The following CHI3L2 variants were observed in gnomAD, a reference collection of about 807,000 sequenced individuals.
The protein encoded by CHI3L2 is chitinase 3 like 2.
In CHI3L2, 47 loss-of-function variants were observed where a neutral mutation model predicts 47.3. The observed-to-expected ratio is 0.99, with a 90% CI of 0.79 to 1.27. CHI3L2 has a LOEUF of 1.27. Ranked by LOEUF, CHI3L2 falls within the 50% of genes most tolerant of loss-of-function variation. The pLI, the probability that CHI3L2 is intolerant of heterozygous loss-of-function variation, is 0.00. For synonymous variants in CHI3L2, 198 were observed against 169.9 expected, an observed-to-expected ratio of 1.17 and a Z score of -1.28; for missense variants, 497 against 462.1, an observed-to-expected ratio of 1.08 and a Z score of -0.69.
rs199696199 is a variant in CHI3L2 at position 111,238,826 on chromosome 1, A to G, written c.812A>G (p.His271Arg). ...GTCATGGGCATCCCCACATATGGGC[A>G]CTCCTTCACACTGGCCTCTGCAGAA... ...KVVMGIPTYG[H>R]SFTLASAETT... The change falls in exon 8 of 11, where the codon CAC (histidine) becomes CGC (arginine). Residue 271 changes from histidine to arginine, a missense_variant. Transcript: ENST00000369748. 5 of 1,613,720 alleles carry G rather than the reference A, an allele frequency of 3.1e-6. No individual in the cohort carries two copies. The African/African-American group carries it at 4.0e-5, about 13-fold the overall frequency.
chr1:111,235,988 G>C lies in CHI3L2; in HGVS notation c.606-36G>C, dbSNP rs200372894. ...CTTACAATTGTTTCTACCACTGCTCGTCACAAAATCTCTCCCATTGCTTTT... is the reference window on the plus strand; with the variant it reads ...CTTACAATTGTTTCTACCACTGCTCCTCACAAAATCTCTCCCATTGCTTTT... On this transcript the variant is annotated intron_variant, in intron 6 of 10. Coordinates refer to ENST00000369748, the MANE Select transcript of CHI3L2 (RefSeq NM_004000.3). 1.7e-5 allele frequency: 28 copies of C among 1,611,282 alleles called. 1 individual carries two copies. The Middle Eastern group carries it at 8.3e-4, about 48-fold the overall frequency.
chr1:111,236,933 C>T (rs78846081), intron 7 of CHI3L2, among the ~76,000 whole-genome samples: 1,884 of 152,258 alleles, frequency 0.012, 11 homozygotes, highest in Non-Finnish European at 0.018. Context: ...CATAAGGGTT[C>T]AAAGTGGGTT....
chr1:111,242,338 G>C lies in CHI3L2; in HGVS notation c.1147G>C (p.Val383Leu), dbSNP rs569147260. The change falls in exon 10 of 11, where the codon GTC becomes CTC. Residue 383 changes from valine to leucine, a missense_variant. Coordinates refer to ENST00000369748, the MANE Select transcript of CHI3L2 (RefSeq NM_004000.3). ...GGGCCCTTACCCTCTTGTCCAAGCAGTCAAGAGAAGCCTTGGCTCCCTGTG... is the reference window on the plus strand; with the variant it reads ...GGGCCCTTACCCTCTTGTCCAAGCACTCAAGAGAAGCCTTGGCTCCCTGTG... Reference protein sequence around the residue: ...NQGPYPLVQAVKRSLGSL With the variant: ...NQGPYPLVQALKRSLGSL 1 of 1,611,908 alleles carries C rather than the reference G, an allele frequency of 6.2e-7. No individual in the cohort carries two copies. The highest frequency in any genetic ancestry group is 1.7e-5 in the Admixed American group (1 of 59,724).
At position 111,234,905 on chromosome 1, in the gene CHI3L2, AG is replaced by A. The variant is rs760468569; in HGVS notation, c.330del. The A allele has an allele frequency of 3.1e-6, 5 of 1,613,532 alleles. No homozygotes were observed. The Admixed American group carries it at 8.3e-5, about 27-fold the overall frequency. On this transcript the variant is annotated splice_acceptor_variant, in intron 4 of 10. Transcript: ENST00000369748. LOFTEE classifies it high-confidence loss of function. ...AAAGACACTCGTATTGCTTCTTTCCAGGTTCCACCCTATGGTGGATTCTTCT... is the reference window on the plus strand; with the variant it reads ...AAAGACACTCGTATTGCTTCTTTCCAGTTCCACCCTATGGTGGATTCTTCT...
chr1:111,232,370 C>CATTT (rs1659747630), intron 4 of CHI3L2, among the ~76,000 whole-genome samples: 2 of 152,118 alleles, frequency 1.3e-5, no homozygotes. Context: ...TTCATTCATT[C>CATTT]ATTCAGTAAA....
At chr1:111,229,190 A>G (rs559675288) in intron 1 of CHI3L2, among the ~76,000 whole-genome samples, 7 of 152,302 alleles carry the variant, frequency 4.6e-5, no homozygotes, top group Admixed American at 3.9e-4. Flanking sequence ...CTGGACTATG[A>G]GCTCCTTGAG....
chr1:111,230,810 AC>A lies in CHI3L2; in HGVS notation c.143del (p.Pro48LeufsTer32). 6.2e-7 allele frequency: 1 copy of A among 1,613,856 alleles called. No homozygotes were observed. The highest frequency in any genetic ancestry group is 8.5e-7 in the Non-Finnish European group (1 of 1,179,984). On this transcript the variant is annotated frameshift_variant, in exon 3 of 11. Coordinates refer to ENST00000369748, the MANE Select transcript of CHI3L2 (RefSeq NM_004000.3). LOFTEE classifies it high-confidence loss of function. The stretch of plus-strand genomic sequence containing the variant: ...GGACCGGCAGGAACCAGGAAAATTC[AC>A]CCCTGAGAATATTGACCCCTTCCTA... ...SQDRQEPGKF[T>X]PENIDPFLCS...
Position 111,238,139 on chromosome 1 carries a change from A to G in CHI3L2, c.736-611A>G, listed in dbSNP as rs149632234. On this transcript the variant is annotated intron_variant, in intron 7 of 10. Coordinates refer to ENST00000369748, the MANE Select transcript of CHI3L2 (RefSeq NM_004000.3). ...GCGTTTCTGGAGTGAACCAATGTAC[A>G]TCTTACATGTACTGACTGATGTCTT... Among the ~76,000 whole-genome samples, 298 of 152,336 alleles carry G rather than the reference A, an allele frequency of 2.0e-3. 2 individuals carry two copies. Among genetic ancestry groups the G allele is most frequent in the Non-Finnish European group, 3.3e-3 (227 of 68,026 alleles).
At chr1:111,237,188 A>G (rs532402807) in intron 7 of CHI3L2, among the ~76,000 whole-genome samples, 1 of 152,338 alleles carries the variant, frequency 6.6e-6, no homozygotes, top group Admixed American at 6.5e-5. Flanking sequence ...TGTTAGTTCT[A>G]CAAAAGCAGA....
At chr1:111,231,133 C>T (rs1460832606) in intron 3 of CHI3L2, 105 bp from the exon 4 acceptor site, 4 of 1,083,300 alleles carry the variant, frequency 3.7e-6, no homozygotes, top group Non-Finnish European at 5.6e-6. Context: ...TTCAAACAGC[C>T]AGGCCCTAAT....
At chr1:111,241,926 C>T (rs1193900341) in intron 9 of CHI3L2, among the ~76,000 whole-genome samples, 1 of 152,140 alleles carries the variant, frequency 6.6e-6, no homozygotes, top group African/African-American at 2.4e-5. Flanking sequence ...AATTGACAAT[C>T]CTGGCCACTT....
At chr1:111,235,136 A>G in intron 5 of CHI3L2, 79 bp downstream of exon 5, 2 of 1,433,490 alleles carry the variant, frequency 1.4e-6, no homozygotes, top group Non-Finnish European at 1.9e-6. Context: ...ATCCATGGCC[A>G]CATTGGGAGA....
At chr1:111,240,418 G>A (rs1040699071) in intron 8 of CHI3L2, among the ~76,000 whole-genome samples, 1 of 152,160 alleles carries the variant, frequency 6.6e-6, no homozygotes, top group African/African-American at 2.4e-5. Context: ...CCATCCTTGG[G>A]TAGTTCTAGG....
chr1:111,241,836 T>C (rs1390083704), intron 9 of CHI3L2, among the ~76,000 whole-genome samples: 6 of 152,234 alleles, frequency 3.9e-5, no homozygotes, highest in African/African-American at 1.2e-4. Flanking sequence ...GGCTCCAGAT[T>C]CCTGAGCCTA....
intron 7 of CHI3L2, 112 bp downstream of exon 7, chr1:111,236,265 A>T: frequency 8.2e-7 from 1 of 1,216,062 alleles, no homozygotes; most frequent in Non-Finnish European, 1.1e-6. Context: ...TATGAGCCCA[A>T]GAGGGAATTG....
At chr1:111,233,602 G>A (rs1460141953) in intron 4 of CHI3L2, among the ~76,000 whole-genome samples, 4 of 152,172 alleles carry the variant, frequency 2.6e-5, no homozygotes, top group African/African-American at 4.8e-5. Flanking sequence ...CAGCCGCCCC[G>A]TCCGGGAGGT....
chr1:111,231,267 T>C lies in CHI3L2; in HGVS notation c.302T>C (p.Ile101Thr). 1 of 1,611,786 alleles carries C rather than the reference T, an allele frequency of 6.2e-7. No individual in the cohort carries two copies. The highest frequency in any genetic ancestry group is 8.5e-7 in the Non-Finnish European group (1 of 1,178,036). ...CCCAAACTGAAAATTCTCTTGTCCA[T>C]TGGAGGGTACCTGTTTGGTTCCAAA... is the stretch of plus-strand genomic sequence containing the variant. ...KNPKLKILLS[I>T]GGYLFGSKGF... Residue 101 changes from isoleucine to threonine, a missense_variant, in exon 4 of 11, where the codon ATT (isoleucine) becomes ACT (threonine). Physicochemically the swap from Ile to Thr is moderately conservative, Grantham distance 89. Coordinates refer to ENST00000369748, the MANE Select transcript of CHI3L2 (RefSeq NM_004000.3).
intron 4 of CHI3L2, among the ~76,000 whole-genome samples, chr1:111,234,102 A>G (rs1222081223): frequency 6.7e-6 from 1 of 149,356 alleles, no homozygotes; most frequent in Non-Finnish European, 1.5e-5. Context: ...ACCTTTGTTC[A>G]CTTGTTTATC....
intron 9 of CHI3L2, 59 bp downstream of exon 9, chr1:111,241,502 G>T: frequency 1.2e-6 from 1 of 867,074 alleles, no homozygotes. Context: ...GTAGTAAAAT[G>T]CCTGAATACT....
Sources: gnomAD v4.1 joint callset for allele counts (sites outside exome capture counted in the v4.1 genomes callset) on GRCh38, gnomAD v4.1.1 for gene constraint, MANE v1.5 for transcripts, NCBI Gene and HGNC (gene_info 2026-07-23, HGNC 2026-07-21) for gene names.